The following ERVW-1 variants were observed in gnomAD, a reference collection of about 807,000 sequenced individuals.
ERVW-1 encodes syncytin-1.
ERVW-1 carries 21 observed loss-of-function variants against 16.6 expected under a neutral mutation model. The observed-to-expected ratio is 1.26, with a 90% CI of 0.90 to 1.82. ERVW-1 has a LOEUF of 1.82. Ranked by LOEUF, ERVW-1 falls within the 40% of genes most tolerant of loss-of-function variation. ERVW-1 has a pLI of 0.00. For missense variants in ERVW-1, 412 were observed against 300.2 expected (o/e 1.37, Z -2.75); for synonymous variants, 161 against 109.8 (o/e 1.47, Z -2.92).
rs900635663 is a variant in ERVW-1 at position 92,469,114 on chromosome 7, T to A, written c.1268A>T (p.Asp423Val). ...IVTEKVKEIR[D>V]RIQRRAEELR... The stretch of plus-strand genomic sequence containing the variant: ...CTCCTCTGCTCTACGTTGTATTCGA[T>A]CTCGAATTTCTTTAACTTTCTCAGT... The change falls in exon 2 of 2, where the codon GAT becomes GTT. Residue 423 changes from aspartate (D) to valine (V), a missense_variant. Transcript: ENST00000603053. The A allele has an allele frequency of 2.8e-6, 2 of 702,154 alleles. No individual in the cohort carries two copies. Among genetic ancestry groups the A allele is most frequent in the African/African-American group, 1.7e-5 (1 of 57,216 alleles). 43.5% of individuals were successfully genotyped at this position (702,154 alleles called of 1,614,324 possible). A position where few individuals can be genotyped will look rare whatever the true frequency, so the allele number is the denominator to read the frequency against.
rs1223992367 is a variant in ERVW-1, at chr7:92,468,850, T to A, written c.1532A>T (p.Asp511Val). 1.3e-6 allele frequency: 1 copy of A among 764,498 alleles called. No individual in the cohort carries two copies. The highest frequency in any genetic ancestry group is 1.7e-5 in the Admixed American group (1 of 59,026). The allele number at this position is 764,498 out of a possible 1,614,324, so 47.4% of individuals were successfully genotyped here. ...PLDRPASPRS[D>V]VNDIKGTPPE... ...AGGGGTGCCTTTGATGTCATTAACA[T>A]CAGATCGTGGGCTAGCAGGCCGGTC... The change falls in exon 2 of 2, where the codon GAT (aspartate) becomes GTT (valine). Residue 511 changes from aspartate (D) to valine (V), a missense_variant. Asp to Val is a radical substitution (Grantham distance 152). Coordinates refer to ENST00000603053, the MANE Select transcript of ERVW-1 (RefSeq NM_001130925.2).
rs773252081 is a variant in ERVW-1, at chr7:92,469,708, G to A, written c.674C>T (p.Ser225Phe). ...TTSVLVGPLV[S>F]NLEITHTSNL... ...TGAGGTATGGGTTATTTCCAGATTG[G>A]AAACAAGAGGTCCTACTAAAACGGA... The change falls in exon 2 of 2, where the codon TCC becomes TTC. Residue 225 changes from serine to phenylalanine, a missense_variant. By Grantham distance (155) the Ser-to-Phe change is radical. Transcript: ENST00000603053. 4 of 764,076 alleles carry A rather than the reference G, an allele frequency of 5.2e-6. No individual in the cohort carries two copies. The highest frequency in any genetic ancestry group is 9.6e-6 in the Non-Finnish European group (4 of 417,882). The allele number at this position is 764,076 out of a possible 1,614,324, so 47.3% of individuals were successfully genotyped here. A position where few individuals can be genotyped will look rare whatever the true frequency, so the allele number is the denominator to read the frequency against.
intron 1 of ERVW-1, among the ~76,000 whole-genome samples, chr7:92,474,225 T>C (rs559288985): frequency 2.0e-5 from 3 of 152,086 alleles, no homozygotes; most frequent in African/African-American, 7.2e-5. Flanking sequence ...CCAAGTTCAA[T>C]AGGGTTTCTA....
At position 92,469,741 on chromosome 7, in the gene ERVW-1, T is replaced by G. The variant is rs912029716; in HGVS notation, c.641A>C (p.Asn214Thr). The G allele has an allele frequency of 2.6e-6, 2 of 764,134 alleles. No individual in the cohort carries two copies. Among genetic ancestry groups the G allele is most frequent in the Admixed American group, 3.4e-5 (2 of 59,018 alleles). The allele number at this position is 764,134 out of a possible 1,614,324, so 47.3% of individuals were successfully genotyped here. The change falls in exon 2 of 2, where the codon AAC (asparagine) becomes ACC (threonine). Residue 214 changes from asparagine (N) to threonine (T), a missense_variant. Transcript: ENST00000603053. Reference protein sequence around the residue: ...EQWNNFSTEINTTSVLVGPLV... With the variant: ...EQWNNFSTEITTTSVLVGPLV... The stretch of plus-strand genomic sequence containing the variant: ...AGGTCCTACTAAAACGGAAGTGGTG[T>G]TTATTTCTGTGCTGAAGTTGTTCCA...
At chr7:92,471,022 C>T (rs1304820623) in intron 1 of ERVW-1, 4 of 167,086 alleles carry the variant, frequency 2.4e-5, no homozygotes, top group African/African-American at 9.7e-5. Context: ...GCCTGGGATA[C>T]TCCCTGGGTT....
At chr7:92,472,858 G>A (rs1562831826) in intron 1 of ERVW-1, 1 of 152,198 alleles carries the variant, frequency 6.6e-6, no homozygotes, top group Non-Finnish European at 1.5e-5. Context: ...TGGAAACCAT[G>A]TAGCCACAGG....
In ERVW-1 at chr7:92,469,893, G is replaced by A. The variant is rs1433392780; in HGVS notation, c.489C>T (p.Arg163=). 4 of 778,708 alleles carry A rather than the reference G, an allele frequency of 5.1e-6. No individual in the cohort carries two copies. Among genetic ancestry groups the A allele is most frequent in the South Asian group, 2.7e-5 (2 of 74,528 alleles). 48.2% of individuals were successfully genotyped at this position (778,708 alleles called of 1,614,324 possible). The change falls in exon 2 of 2, where the codon CGC becomes CGT. Residue 163 remains arginine (R), a synonymous_variant. Coordinates refer to ENST00000603053, the MANE Select transcript of ERVW-1 (RefSeq NM_001130925.2). The stretch of plus-strand genomic sequence containing the variant: ...GGGTGGTATTAAATAGGCTTACCAG[G>A]CGAGTATGGGTACGGAGGGTTTCAT... ...KLHETLRTHT[R]LVSLFNTTLT...
rs1562829812 is a variant in ERVW-1, at chr7:92,469,705, T to C, written c.677A>G (p.Asn226Ser). ...TSVLVGPLVSNLEITHTSNLT... is the reference protein window; with the variant it reads ...TSVLVGPLVSSLEITHTSNLT... ...GTTTGAGGTATGGGTTATTTCCAGA[T>C]TGGAAACAAGAGGTCCTACTAAAAC... Residue 226 changes from asparagine (N) to serine (S), a missense_variant, in exon 2 of 2, where the codon AAT (asparagine) becomes AGT (serine). Coordinates refer to ENST00000603053, the MANE Select transcript of ERVW-1 (RefSeq NM_001130925.2). 1 of 764,232 alleles carries C rather than the reference T, an allele frequency of 1.3e-6. No homozygotes were observed. The highest frequency in any genetic ancestry group is 2.4e-6 in the Non-Finnish European group (1 of 417,876). 47.3% of individuals were successfully genotyped at this position (764,232 alleles called of 1,614,324 possible). A position where few individuals can be genotyped will look rare whatever the true frequency, so the allele number is the denominator to read the frequency against.
rs760109761 is a variant in ERVW-1 at position 92,469,341 on chromosome 7, G to A, written c.1041C>T (p.Tyr347=). 1.3e-5 allele frequency: 10 copies of A among 765,136 alleles called. No individual in the cohort carries two copies. The highest frequency in any genetic ancestry group is 2.2e-5 in the Non-Finnish European group (9 of 417,888). The allele number at this position is 765,136 out of a possible 1,614,324, so 47.4% of individuals were successfully genotyped here. A position where few individuals can be genotyped will look rare whatever the true frequency, so the allele number is the denominator to read the frequency against. The change falls in exon 2 of 2, where the codon TAC becomes TAT. Residue 347 remains tyrosine (Y), a synonymous_variant. Transcript: ENST00000603053. ...IGGITTSTQF[Y]YKLSQELNGD... is the part of the protein sequence containing the mutation. The stretch of plus-strand genomic sequence containing the variant: ...CATTTAGTTCTTGAGATAGTTTGTA[G>A]TAGAACTGAGTAGAGGTTGTGATAC...
chr7:92,471,548 TC>T (rs1188737684), intron 1 of ERVW-1: 1 of 152,256 alleles, frequency 6.6e-6, no homozygotes, highest in Non-Finnish European at 1.5e-5. Flanking sequence ...ATTCTGTTTC[TC>T]CTGCTGAGTA....
chr7:92,468,996 G>T lies in ERVW-1; in HGVS notation c.1386C>A (p.Leu462=). ...GGTTAAAGATACAGGGTCCAAAGAG[G>T]AGTAGCAATATTATAGCTGCTAGAG... ...LGPLAAIILL[L]LFGPCIFNLL... is the part of the protein sequence containing the mutation. The change falls in exon 2 of 2, where the codon CTC becomes CTA. Residue 462 remains leucine, a synonymous_variant. Coordinates refer to ENST00000603053, the MANE Select transcript of ERVW-1 (RefSeq NM_001130925.2). 2.6e-6 allele frequency: 2 copies of T among 755,778 alleles called. No homozygotes were observed. The highest frequency in any genetic ancestry group is 4.8e-6 in the Non-Finnish European group (2 of 414,100). 46.8% of individuals were successfully genotyped at this position (755,778 alleles called of 1,614,324 possible).
At chr7:92,476,763 G>A (rs1790563149) in intron 1 of ERVW-1, among the ~76,000 whole-genome samples, 1 of 151,980 alleles carries the variant, frequency 6.6e-6, no homozygotes, top group African/African-American at 2.4e-5. Flanking sequence ...TGGGGAGTGG[G>A]TCCTACATAA....
chr7:92,474,886 G>C (rs1157668369), intron 1 of ERVW-1: 1 of 151,984 alleles, frequency 6.6e-6, no homozygotes, highest in African/African-American at 2.4e-5. Context: ...TGCTTGGAGG[G>C]GTCATAATTG....
Position 92,470,528 on chromosome 7 carries a change from G to A in ERVW-1, c.-147C>T. 1 of 590,072 alleles carries A rather than the reference G, an allele frequency of 1.7e-6. No individual in the cohort carries two copies. Among genetic ancestry groups the A allele is most frequent in the Non-Finnish European group, 3.0e-6 (1 of 330,570 alleles). The allele number at this position is 590,072 out of a possible 1,614,324, so 36.6% of individuals were successfully genotyped here. ...ATCCAGGATTTGACTCAAGTGTGAT[G>A]TATCCAAGACTCCACTCCAGCCACT... is the stretch of plus-strand genomic sequence containing the variant. On this transcript the variant is annotated 5_prime_UTR_variant, in exon 2 of 2. Transcript: ENST00000603053.
Position 92,470,456 on chromosome 7 carries a change from A to C in ERVW-1, c.-75T>G, listed in dbSNP as rs1039453194. The C allele has an allele frequency of 4.9e-6, 3 of 615,460 alleles. No individual in the cohort carries two copies. Among genetic ancestry groups the C allele is most frequent in the Non-Finnish European group, 8.8e-6 (3 of 340,636 alleles). 38.1% of individuals were successfully genotyped at this position (615,460 alleles called of 1,614,324 possible). On this transcript the variant is annotated 5_prime_UTR_variant, in exon 2 of 2. Transcript: ENST00000603053. ...AGGCGCAAATCCTCTAGAGGTTCAC[A>C]GGAATAGCTAGCGTTGTCTCCTGGA...
intron 1 of ERVW-1, among the ~76,000 whole-genome samples, chr7:92,476,589 CTCTT>C (rs1790553088): frequency 6.6e-6 from 1 of 152,108 alleles, no homozygotes; most frequent in African/African-American, 2.4e-5. Flanking sequence ...CTTTCTTTCT[CTCTT>C]TGACTCTCTC....
Position 92,468,755 on chromosome 7 carries a change from G to A in ERVW-1, c.*10C>T, listed in dbSNP as rs561001592. The A allele has an allele frequency of 1.4e-5, 10 of 707,508 alleles. No individual in the cohort carries two copies. Among genetic ancestry groups the A allele is most frequent in the East Asian group, 2.5e-5 (1 of 40,736 alleles). 43.8% of individuals were successfully genotyped at this position (707,508 alleles called of 1,614,324 possible). Reference sequence around the variant, plus strand: ...CTAAGTGCTGTTGGGGAGGTTGGCCGACGACCGCTCTAACTGCTTCCTGCT... The same window carrying A: ...CTAAGTGCTGTTGGGGAGGTTGGCCAACGACCGCTCTAACTGCTTCCTGCT... On this transcript the variant is annotated 3_prime_UTR_variant, in exon 2 of 2. Coordinates refer to ENST00000603053, the MANE Select transcript of ERVW-1 (RefSeq NM_001130925.2).
chr7:92,476,002 C>T (rs1246260488), intron 1 of ERVW-1, among the ~76,000 whole-genome samples: 2 of 152,286 alleles, frequency 1.3e-5, no homozygotes, highest in East Asian at 3.9e-4. Flanking sequence ...CAAGAGTCCC[C>T]GTATCAATTA....
At chr7:92,477,283 T>G (rs947234532) in intron 1 of ERVW-1, 99 bp downstream of exon 1, 7 of 152,376 alleles carry the variant, frequency 4.6e-5, no homozygotes, top group African/African-American at 1.7e-4. Context: ...GTGGCCACAC[T>G]AATCGTTTTT....
Sources: allele counts gnomAD v4.1 joint callset (sites outside exome capture counted in the v4.1 genomes callset), GRCh38; gene constraint gnomAD v4.1.1; transcripts MANE v1.5; gene names NCBI Gene and HGNC (gene_info 2026-07-23, HGNC 2026-07-21).